GRP: variants seen among roughly 807,000 people sequenced by gnomAD.
GRP encodes the protein gastrin releasing peptide, also known as gastrin-releasing peptide.
In GRP, 11 loss-of-function variants were observed where a neutral mutation model predicts 12.7. The observed-to-expected ratio is 0.87, with a 90% CI of 0.55 to 1.44. GRP has a LOEUF of 1.44. Among genes scored for constraint, GRP ranks in the 40% most tolerant of loss-of-function variants. The pLI, the probability that GRP is intolerant of heterozygous loss-of-function variation, is 0.00. For synonymous variants in GRP, 84 were observed against 77.7 expected (o/e 1.08, Z -0.43); for missense variants, 212 against 185.4 (o/e 1.14, Z -0.83).
At chr18:59,226,002 T>C (rs183092177) in intron 2 of GRP, among the ~76,000 whole-genome samples, 37 of 152,316 alleles carry the variant, frequency 2.4e-4, no homozygotes, top group African/African-American at 7.7e-4. Context: ...GATGGGATTT[T>C]TTTTTTAACA....
rs1298059782 is a variant in GRP at position 59,220,234 on chromosome 18, C to G, written c.-32C>G. 12 of 1,431,520 alleles carry G rather than the reference C, an allele frequency of 8.4e-6. No homozygotes were observed. The East Asian group carries it at 3.2e-4, about 38-fold the overall frequency. The allele number at this position is 1,431,520 out of a possible 1,614,324, so 88.7% of individuals were successfully genotyped here. On this transcript the variant is annotated 5_prime_UTR_variant, in exon 1 of 3. Coordinates refer to ENST00000256857, the MANE Select transcript of GRP (RefSeq NM_002091.5). ...CCAGTCTCTGCTCTTCCCAGCCTCTCCGGCGCGCTCCAAGGGCTTCCCGTC... is the reference window on the plus strand; with the variant it reads ...CCAGTCTCTGCTCTTCCCAGCCTCTGCGGCGCGCTCCAAGGGCTTCCCGTC...
intron 1 of GRP, among the ~76,000 whole-genome samples, 158 bp from the exon 2 acceptor site, chr18:59,225,334 T>C (rs1270223186): frequency 6.6e-6 from 1 of 152,228 alleles, no homozygotes; most frequent in Non-Finnish European, 1.5e-5. Flanking sequence ...AAAATCTATC[T>C]GTCGTTTATG....
intron 1 of GRP, among the ~76,000 whole-genome samples, chr18:59,225,058 G>A (rs2069894532): frequency 6.6e-6 from 1 of 152,178 alleles, no homozygotes; most frequent in Admixed American, 6.5e-5. Context: ...AATTGGCTGG[G>A]GAAGATGTTT....
intron 1 of GRP, among the ~76,000 whole-genome samples, chr18:59,224,081 G>A (rs1006780144): frequency 6.6e-6 from 1 of 152,120 alleles, no homozygotes; most frequent in African/African-American, 2.4e-5. Flanking sequence ...AAAGCCTTTT[G>A]TAGACCTTAT....
chr18:59,219,631 A>G (rs1393564409), upstream of GRP, among the ~76,000 whole-genome samples: 4 of 152,000 alleles, frequency 2.6e-5, no homozygotes, highest in Non-Finnish European at 5.9e-5. Context: ...AGAGATCTGC[A>G]AGGAGGCAAG....
In GRP at chr18:59,220,351, G is replaced by T; in HGVS notation, c.86G>T (p.Gly29Val). The T allele has an allele frequency of 6.8e-7, 1 of 1,480,730 alleles. No individual in the cohort carries two copies. The highest frequency in any genetic ancestry group is 1.5e-5 in the African/African-American group (1 of 68,808). 91.7% of individuals were successfully genotyped at this position (1,480,730 alleles called of 1,614,324 possible). ...PRGRAVPLPA[G>V]GGTVLTKMYP... Reference sequence around the variant, plus strand: ...GGGCGAGCGGTCCCGCTGCCTGCGGGCGGAGGGACCGTGCTGACCAAGATG... The same window carrying T: ...GGGCGAGCGGTCCCGCTGCCTGCGGTCGGAGGGACCGTGCTGACCAAGATG... Residue 29 changes from glycine to valine, a missense_variant, in exon 1 of 3, where the codon GGC becomes GTC. By Grantham distance (109) the Gly-to-Val change is moderately radical. Transcript: ENST00000256857.
In GRP at chr18:59,230,435, TGAAG is replaced by T. The variant is rs149962068; in HGVS notation, c.422_425del (p.Arg141ThrfsTer4). 56,338 of 1,600,612 alleles carry T rather than the reference TGAAG, an allele frequency of 0.035. 1,264 individuals are homozygous for T. The highest frequency in any genetic ancestry group is 0.048 in the Middle Eastern group (292 of 6,038). On this transcript the variant is annotated frameshift_variant, in exon 3 of 3. Coordinates refer to ENST00000256857, the MANE Select transcript of GRP (RefSeq NM_002091.5). LOFTEE classifies it high-confidence loss of function. ...GACTCTCTGCTCCAGGTTCTCAACGTGAAGGAAGGAACCCCCAGCTGAACCAGCA... is the reference window on the plus strand; with the variant it reads ...GACTCTCTGCTCCAGGTTCTCAACGTGAAGGAACCCCCAGCTGAACCAGCA...
Position 59,230,633 on chromosome 18 carries a change from G to C in GRP, c.*165G>C. 1 of 589,866 alleles carries C rather than the reference G, an allele frequency of 1.7e-6. No individual in the cohort carries two copies. Among genetic ancestry groups the C allele is most frequent in the Non-Finnish European group, 3.0e-6 (1 of 328,272 alleles). The allele number at this position is 589,866 out of a possible 1,614,324, so 36.5% of individuals were successfully genotyped here. A position where few individuals can be genotyped will look rare whatever the true frequency, so the allele number is the denominator to read the frequency against. ...CGTGATTTTCAAGCAGCATCTTCTG[G>C]TTTAAACTTGTTTGCTGTGAACAAT... On this transcript the variant is annotated 3_prime_UTR_variant, in exon 3 of 3. Transcript: ENST00000256857.
intron 2 of GRP, among the ~76,000 whole-genome samples, chr18:59,227,960 T>C (rs192892117): frequency 4.3e-4 from 66 of 152,156 alleles, no homozygotes; most frequent in Non-Finnish European, 6.0e-4. Context: ...CCAAGTGAAC[T>C]GAAAAAGGTC....
intron 2 of GRP, among the ~76,000 whole-genome samples, chr18:59,227,377 G>A (rs890215559): frequency 6.6e-6 from 1 of 152,140 alleles, no homozygotes; most frequent in African/African-American, 2.4e-5. Context: ...CCATACCTGT[G>A]TCATAGGTGT....
At chr18:59,228,867 G>C (rs1475245035) in intron 2 of GRP, among the ~76,000 whole-genome samples, 2 of 152,112 alleles carry the variant, frequency 1.3e-5, no homozygotes, top group Non-Finnish European at 1.5e-5. Context: ...GGTTTTAGTT[G>C]GCCTTTGGTC....
At position 59,225,677 on chromosome 18, in the gene GRP, C is replaced by A. The variant is rs148328512; in HGVS notation, c.325C>A (p.Pro109Thr). ...ACCCAAGGCCCTGGGCAATCAGCAGCCTTCGTGGGATTCAGAGGATAGCAG... is the reference window on the plus strand; with the variant it reads ...ACCCAAGGCCCTGGGCAATCAGCAGACTTCGTGGGATTCAGAGGATAGCAG... ...PQPKALGNQQPSWDSEDSSNF... is the reference protein window; with the variant it reads ...PQPKALGNQQTSWDSEDSSNF... Residue 109 changes from proline (P) to threonine (T), a missense_variant, in exon 2 of 3, where the codon CCT (proline) becomes ACT (threonine). Pro to Thr is a conservative substitution (Grantham distance 38). Coordinates refer to ENST00000256857, the MANE Select transcript of GRP (RefSeq NM_002091.5). 1.9e-6 allele frequency: 3 copies of A among 1,613,922 alleles called. No homozygotes were observed. Among genetic ancestry groups the A allele is most frequent in the South Asian group, 1.1e-5 (1 of 91,068 alleles).
intron 1 of GRP, among the ~76,000 whole-genome samples, chr18:59,225,015 G>T (rs1158582327): frequency 6.6e-6 from 1 of 152,154 alleles, no homozygotes; most frequent in African/African-American, 2.4e-5. Context: ...ACAAAGAAAA[G>T]CATGGAGACT....
chr18:59,227,032 T>TCTTTCTTCCTTC (rs2069946586), intron 2 of GRP, among the ~76,000 whole-genome samples: 2 of 141,458 alleles, frequency 1.4e-5, no homozygotes, highest in East Asian at 2.0e-4. Flanking sequence ...TTTCTTTCTT[T>TCTTTCTTCCTTC]CTTTCTTTCT....
chr18:59,220,074 A>G (rs561439955), upstream of GRP: 2 of 404,722 alleles, frequency 4.9e-6, no homozygotes, highest in South Asian at 8.3e-5. Context: ...GGGAGACGTC[A>G]GAGCGCTCTG....
chr18:59,223,724 C>T (rs763927678), intron 1 of GRP, among the ~76,000 whole-genome samples: 3 of 152,174 alleles, frequency 2.0e-5, no homozygotes, highest in Non-Finnish European at 4.4e-5. Context: ...TTAATTTCCT[C>T]CATATAAATA....
chr18:59,230,498 C>G lies in GRP; in HGVS notation c.*30C>G. The G allele has an allele frequency of 7.9e-7, 1 of 1,268,378 alleles. No homozygotes were observed. The highest frequency in any genetic ancestry group is 1.2e-6 in the Non-Finnish European group (1 of 864,102). The allele number at this position is 1,268,378 out of a possible 1,614,324, so 78.6% of individuals were successfully genotyped here. On this transcript the variant is annotated 3_prime_UTR_variant, in exon 3 of 3. Coordinates refer to ENST00000256857, the MANE Select transcript of GRP (RefSeq NM_002091.5). Reference sequence around the variant, plus strand: ...GATGGCCTCTCTCAAAAGAGAAAAACAAAACCCCTAAGAGACTGCGTTCTG... The same window carrying G: ...GATGGCCTCTCTCAAAAGAGAAAAAGAAAACCCCTAAGAGACTGCGTTCTG...
intron 2 of GRP, among the ~76,000 whole-genome samples, chr18:59,227,008 T>TCTTTCTTTCTTTCTTTCTTTCTTTCTTC (rs2069938850): frequency 5.3e-4 from 66 of 124,872 alleles, no homozygotes; most frequent in Non-Finnish European, 8.7e-4. Flanking sequence ...TTTCTTTCTT[T>TCTTTCTTTCTTTCTTTCTTTCTTTCTTC]CTTTCTTTCT....
chr18:59,227,647 C>T (rs2069965071), intron 2 of GRP, among the ~76,000 whole-genome samples: 1 of 152,192 alleles, frequency 6.6e-6, no homozygotes, highest in South Asian at 2.1e-4. Flanking sequence ...ATGAAATACT[C>T]CCCTCTACTA....
Sources: allele counts gnomAD v4.1 joint callset (sites outside exome capture counted in the v4.1 genomes callset), GRCh38; gene constraint gnomAD v4.1.1; transcripts MANE v1.5; gene names NCBI Gene and HGNC (gene_info 2026-07-23, HGNC 2026-07-21).